Variants in STIM1 observed in about 807,000 individuals in gnomAD.
STIM1 encodes stromal interaction molecule 1.
STIM1 carries 25 observed loss-of-function variants against 74.7 expected under a neutral mutation model. The observed-to-expected ratio is 0.33, with a 90% confidence interval of 0.24 to 0.47. The LOEUF (loss-of-function observed/expected upper bound fraction) is 0.47, where lower values mean the gene tolerates loss of function less well. Among genes scored for constraint, STIM1 ranks in the 20% least tolerant of loss-of-function variants. The pLI, the probability that STIM1 is intolerant of heterozygous loss-of-function variation, is 1.00. For synonymous variants in STIM1, 328 were observed against 348.8 expected (o/e 0.94, Z 0.66); for missense variants, 728 against 920.8 (o/e 0.79, Z 2.71).
chr11:3,885,441 C>T (rs560384848), intron 1 of STIM1, among the ~76,000 whole-genome samples: 2 of 152,054 alleles, frequency 1.3e-5, no homozygotes, highest in South Asian at 4.2e-4. Flanking sequence ...CCTGCCTTGG[C>T]CTCCCAAAGT....
chr11:4,061,556 C>T (rs760851720), intron 5 of STIM1, among the ~76,000 whole-genome samples: 10 of 152,138 alleles, frequency 6.6e-5, no homozygotes, highest in African/African-American at 1.9e-4. Context: ...GAAGGTAAAA[C>T]GGTTCAGCTA....
intron 2 of STIM1, among the ~76,000 whole-genome samples, chr11:3,994,846 TGTTTTTA>T (rs2093649287): frequency 6.6e-6 from 1 of 152,194 alleles, no homozygotes; most frequent in African/African-American, 2.4e-5. Flanking sequence ...TTTTTCTCTA[TGTTTTTA>T]GGATTGTATA....
At chr11:3,900,054 C>T (rs1159618551) in intron 1 of STIM1, among the ~76,000 whole-genome samples, 2 of 152,142 alleles carry the variant, frequency 1.3e-5, no homozygotes, top group African/African-American at 4.8e-5. Flanking sequence ...GGAGGATTCC[C>T]TCTTTTTCTA....
chr11:3,901,460 A>G (rs2092346371), intron 1 of STIM1, among the ~76,000 whole-genome samples: 2 of 152,174 alleles, frequency 1.3e-5, no homozygotes, highest in Non-Finnish European at 2.9e-5. Flanking sequence ...TATTAGTATG[A>G]CTTGGAGAAG....
At chr11:3,897,316 A>C (rs1294300507) in intron 1 of STIM1, among the ~76,000 whole-genome samples, 1 of 152,088 alleles carries the variant, frequency 6.6e-6, no homozygotes, top group Non-Finnish European at 1.5e-5. Flanking sequence ...GATTGACTGA[A>C]AGCTGGCCTC....
At chr11:3,937,319 A>ATAATAATAATAATAATAATAATAG (rs55981710) in intron 1 of STIM1, among the ~76,000 whole-genome samples, 27 of 149,032 alleles carry the variant, frequency 1.8e-4, no homozygotes, top group South Asian at 4.3e-4. Context: ...AATAATAATA[A>ATAATAATAATAATAATAATAATAG]AATATCTGGA....
chr11:4,029,327 T>A (rs2094027373), intron 3 of STIM1, among the ~76,000 whole-genome samples: 1 of 152,138 alleles, frequency 6.6e-6, no homozygotes, highest in Non-Finnish European at 1.5e-5. Context: ...AGCAGGTTCC[T>A]GAATAACGTC....
intron 2 of STIM1, among the ~76,000 whole-genome samples, chr11:3,992,081 G>GTTTTTTTTTTTTTTTTTTTTTTT (rs1554963559): frequency 1.1e-5 from 1 of 91,964 alleles, no homozygotes; most frequent in African/African-American, 4.7e-5. Context: ...GCCAACATCT[G>GTTTTTTTTTTTTTTTTTTTTTTT]TTTTTTTGTT....
chr11:3,991,116 A>G (rs937582874), intron 2 of STIM1, among the ~76,000 whole-genome samples: 3 of 150,056 alleles, frequency 2.0e-5, no homozygotes, highest in Non-Finnish European at 3.0e-5. Context: ...AGCTGCATTC[A>G]TGTTGCTGCA....
chr11:3,872,671 A>G lies in STIM1; in HGVS notation c.139+16262A>G, dbSNP rs372916581. On this transcript the variant is annotated intron_variant, in intron 1 of 12. Transcript: ENST00000526596. ...CGAGTAGCTGGGACTATAGGCGCCC[A>G]CCACCACGCCCGGCTAATTTTTTGT... 2.5e-3 allele frequency among the ~76,000 whole-genome samples: 378 copies of G among 150,140 alleles called. 4 individuals are homozygous for G. The highest frequency in any genetic ancestry group is 8.8e-3 in the African/African-American group (361 of 40,844).
chr11:3,930,942 A>C (rs2092852226), intron 1 of STIM1, among the ~76,000 whole-genome samples: 1 of 152,230 alleles, frequency 6.6e-6, no homozygotes. Context: ...CCTCTCTGCC[A>C]GGTACTGTAC....
chr11:3,924,472 A>T (rs1358190011), intron 1 of STIM1, among the ~76,000 whole-genome samples: 1 of 152,192 alleles, frequency 6.6e-6, no homozygotes, highest in African/African-American at 2.4e-5. Context: ...TGCTGAGATT[A>T]CAGGCGTGAG....
intron 1 of STIM1, among the ~76,000 whole-genome samples, chr11:3,895,670 CTTTCCTTCCTTCCT>C (rs2092070884): frequency 4.0e-4 from 17 of 42,980 alleles, no homozygotes; most frequent in African/African-American, 2.4e-3. Context: ...TTCTTTCTTT[CTTTCCTTCCTTCCT>C]TCTTTCTTTC....
At chr11:4,035,330 A>C (rs1438168224) in intron 3 of STIM1, among the ~76,000 whole-genome samples, 1 of 150,904 alleles carries the variant, frequency 6.6e-6, no homozygotes, top group Non-Finnish European at 1.5e-5. Context: ...AAAAATACCT[A>C]GAGTGAAGAC....
intron 2 of STIM1, among the ~76,000 whole-genome samples, chr11:3,971,353 C>T (rs2093392079): frequency 6.6e-6 from 1 of 151,788 alleles, no homozygotes; most frequent in Non-Finnish European, 1.5e-5. Context: ...CACGGTGAAA[C>T]CCCGTCTCTA....
At chr11:3,920,853 T>C (rs1332402681) in intron 1 of STIM1, among the ~76,000 whole-genome samples, 1 of 151,336 alleles carries the variant, frequency 6.6e-6, no homozygotes, top group Non-Finnish European at 1.5e-5. Context: ...TGGAGTGAAA[T>C]GGTGCAGTCT....
chr11:3,900,943 C>T (rs1422881613), intron 1 of STIM1, among the ~76,000 whole-genome samples: 1 of 152,212 alleles, frequency 6.6e-6, no homozygotes. Context: ...GTAATCCCAG[C>T]ACTTTGGGAG....
intron 12 of STIM1, 160 bp downstream of exon 12, chr11:4,086,703 CACCACT>C (rs1434582653): frequency 2.6e-6 from 4 of 1,538,804 alleles, no homozygotes; most frequent in Middle Eastern, 1.7e-4. Context: ...TCACCACCAT[CACCACT>C]ACCACCACCA....
At chr11:3,883,147 T>C (rs2091580208) in intron 1 of STIM1, among the ~76,000 whole-genome samples, 1 of 152,220 alleles carries the variant, frequency 6.6e-6, no homozygotes, top group Non-Finnish European at 1.5e-5. Context: ...TACCTAGCTC[T>C]TTCATGTCTC....
Sources: allele counts gnomAD v4.1 joint callset (sites outside exome capture counted in the v4.1 genomes callset), GRCh38; gene constraint gnomAD v4.1.1; transcripts MANE v1.5; gene names NCBI Gene and HGNC (gene_info 2026-07-23, HGNC 2026-07-21).